DHX29: variants seen among roughly 807,000 people sequenced by gnomAD.
DHX29 encodes DExH-box helicase 29.
DHX29 carries 79 observed loss-of-function variants against 167.9 expected under a neutral mutation model. The observed-to-expected ratio is 0.47, with a 90% CI of 0.39 to 0.57. DHX29 has a LOEUF of 0.57. Among genes scored for constraint, DHX29 ranks in the 20% least tolerant of loss-of-function variants. DHX29 has a pLI of 0.00. For synonymous variants in DHX29, 530 were observed against 546.0 expected, an observed-to-expected ratio of 0.97 and a Z score of 0.41; for missense variants, 1,347 against 1,593.4, an observed-to-expected ratio of 0.85 and a Z score of 2.63.
In DHX29 at chr5:55,289,307, T is replaced by A. The variant is rs1384808927; in HGVS notation, c.1029A>T (p.Leu343Phe). The change falls in exon 8 of 27, where the codon TTA becomes TTT. Residue 343 changes from leucine (L) to phenylalanine (F), a missense_variant. Around this residue, in one of 3 missense-constraint regions of DHX29, gnomAD observed 405 missense variants for 416.8 expected, o/e 0.97. Coordinates refer to ENST00000251636, the MANE Select transcript of DHX29 (RefSeq NM_019030.4). ...CAGTAGCAGCTGCAGATTTTTCAAA[T>A]AAATTAAAATTCAATGCACTTTCTC... Reference protein sequence around the residue: ...TEGESALNFNLFEKSAAATEE... With the variant: ...TEGESALNFNFFEKSAAATEE... 6.3e-7 allele frequency: 1 copy of A among 1,582,156 alleles called. No individual in the cohort carries two copies. Among genetic ancestry groups the A allele is most frequent in the Non-Finnish European group, 8.5e-7 (1 of 1,169,626 alleles).
At chr5:55,283,115 C>T (rs1296054320) in intron 11 of DHX29, 88 bp downstream of exon 11, 5 of 1,436,426 alleles carry the variant, frequency 3.5e-6, no homozygotes, top group Non-Finnish European at 4.6e-6. Flanking sequence ...TGAAAACTCA[C>T]ATATGGTACA....
At chr5:55,286,207 T>C (rs544071577) in intron 8 of DHX29, among the ~76,000 whole-genome samples, 13 of 151,368 alleles carry the variant, frequency 8.6e-5, no homozygotes, top group African/African-American at 2.2e-4. Flanking sequence ...TGAGCCAAGA[T>C]TGCACCACTG....
rs1416826526 is a variant in DHX29, at chr5:55,256,506, T to C, written c.4092A>G (p.Ile1364Met). ...DKILQIITEL[I>M]KTENN Reference sequence around the variant, plus strand: ...TTCAGTTTCAGTTATTCTCTGTTTTTATCAATTCCGTAATGATCTGCAGAA... The same window carrying C: ...TTCAGTTTCAGTTATTCTCTGTTTTCATCAATTCCGTAATGATCTGCAGAA... Residue 1364 changes from isoleucine to methionine, a missense_variant, in exon 27 of 27, where the codon ATA becomes ATG. This residue lies in a region of DHX29 where 882 missense variants were observed against 1,082.4 expected (regional missense o/e 0.81). Coordinates refer to ENST00000251636, the MANE Select transcript of DHX29 (RefSeq NM_019030.4). The C allele has an allele frequency of 1.9e-6, 3 of 1,596,820 alleles. No individual in the cohort carries two copies. The African/African-American group carries it at 4.1e-5, about 22-fold the overall frequency.
chr5:55,280,330 T>C (rs1747338587), intron 12 of DHX29, among the ~76,000 whole-genome samples: 4 of 152,208 alleles, frequency 2.6e-5, no homozygotes. Context: ...CTGATCTATA[T>C]TTACCAAGCA....
At position 55,270,596 on chromosome 5, in the gene DHX29, C is replaced by A; in HGVS notation, c.2975G>T (p.Arg992Leu). ...GCCATACCTTTCTCTTGTGTACATT[C>A]GGAAACAGAAGCCATCTCTGACCCG... ...AGRVRDGFCF[R>L]MYTRERFEGF... is the part of the protein sequence containing the mutation. The change falls in exon 19 of 27, where the codon CGA becomes CTA. Residue 992 changes from arginine to leucine, a missense_variant. Physicochemically the swap from Arg to Leu is moderately radical, Grantham distance 102 (BLOSUM62 -2). Around this residue, in one of 3 missense-constraint regions of DHX29, gnomAD observed 882 missense variants for 1,082.4 expected, o/e 0.81. Coordinates refer to ENST00000251636, the MANE Select transcript of DHX29 (RefSeq NM_019030.4). 1 of 1,614,176 alleles carries A rather than the reference C, an allele frequency of 6.2e-7. No individual in the cohort carries two copies. The highest frequency in any genetic ancestry group is 8.5e-7 in the Non-Finnish European group (1 of 1,180,018).
intron 14 of DHX29, among the ~76,000 whole-genome samples, chr5:55,275,808 A>G (rs1179186383): frequency 6.6e-6 from 1 of 151,344 alleles, no homozygotes; most frequent in Non-Finnish European, 1.5e-5. Flanking sequence ...TCTATCTATC[A>G]CTATCTACCT....
At chr5:55,289,176 T>C in intron 8 of DHX29, 94 bp downstream of exon 8, 3 of 1,354,102 alleles carry the variant, frequency 2.2e-6, no homozygotes, top group Non-Finnish European at 2.9e-6. Flanking sequence ...TTACGTACTT[T>C]GCCAGAATGC....
Position 55,281,522 on chromosome 5 carries a change from G to T in DHX29, c.1966-7C>A. ...GATATCCACACAAGGAATTCTAAAG[G>T]GAGAACATAAGGCCTTGATTAGATT... On this transcript the variant is annotated splice_polypyrimidine_tract_variant and splice_region_variant and intron_variant, in intron 11 of 26. Transcript: ENST00000251636. The T allele has an allele frequency of 6.4e-7, 1 of 1,568,010 alleles. No homozygotes were observed. Among genetic ancestry groups the T allele is most frequent in the Non-Finnish European group, 8.6e-7 (1 of 1,158,632 alleles).
At chr5:55,302,808 C>T (rs1054365862) in intron 1 of DHX29, among the ~76,000 whole-genome samples, 8 of 152,244 alleles carry the variant, frequency 5.3e-5, no homozygotes, top group African/African-American at 1.9e-4. Context: ...GCTCAACATT[C>T]ACTGGGCCAC....
rs775938058 is a variant in DHX29 at position 55,274,871 on chromosome 5, T to A, written c.2567A>T (p.Tyr856Phe). The A allele has an allele frequency of 1.9e-6, 3 of 1,612,926 alleles. No homozygotes were observed. The highest frequency in any genetic ancestry group is 1.7e-4 in the Middle Eastern group (1 of 6,052). The change falls in exon 15 of 27, where the codon TAC becomes TTC. Residue 856 changes from tyrosine to phenylalanine, a missense_variant. Physicochemically the swap from Tyr to Phe is conservative, Grantham distance 22. Around this residue, in one of 3 missense-constraint regions of DHX29, gnomAD observed 882 missense variants for 1,082.4 expected, o/e 0.81. Coordinates refer to ENST00000251636, the MANE Select transcript of DHX29 (RefSeq NM_019030.4). ...NLDLILELLA[Y>F]LDKSPQFRNI... ...CATTAGAAATAGAAATATACCTAAG[T>A]ATGCAAGAAGTTCCAAAATGAGATC... is the stretch of plus-strand genomic sequence containing the variant.
chr5:55,262,776 C>T lies in DHX29; in HGVS notation c.3682G>A (p.Val1228Met). ...GACTTTGTATAGATTATCTTCCCCA[C>T]ATTGTCATACAGTCCAGCCACCAGT... ...AVLVAGLYDN[V>M]GKIIYTKSVD... Residue 1228 changes from valine (V) to methionine (M), a missense_variant, in exon 24 of 27, where the codon GTG becomes ATG. By Grantham distance (21) the Val-to-Met change is conservative. Coordinates refer to ENST00000251636, the MANE Select transcript of DHX29 (RefSeq NM_019030.4). 6.2e-7 allele frequency: 1 copy of T among 1,614,094 alleles called. No individual in the cohort carries two copies. Among genetic ancestry groups the T allele is most frequent in the Non-Finnish European group, 8.5e-7 (1 of 1,179,988 alleles).
At chr5:55,271,448 T>C (rs1185200347) in intron 18 of DHX29, among the ~76,000 whole-genome samples, 1 of 152,130 alleles carries the variant, frequency 6.6e-6, no homozygotes, top group East Asian at 1.9e-4. Context: ...CTGGCCAACA[T>C]AGTGAAACCC....
chr5:55,299,006 C>T (rs986203107), intron 1 of DHX29, among the ~76,000 whole-genome samples: 2 of 140,528 alleles, frequency 1.4e-5, no homozygotes, highest in African/African-American at 2.7e-5. Context: ...GTCCGCAGTC[C>T]GGCCTGGGCG....
chr5:55,301,063 C>T (rs553590746), intron 1 of DHX29, among the ~76,000 whole-genome samples: 14 of 152,192 alleles, frequency 9.2e-5, no homozygotes, highest in Non-Finnish European at 1.9e-4. Flanking sequence ...TATAAGGACA[C>T]TAATCCTGTT....
rs1263751805 is a variant in DHX29 at position 55,296,283 on chromosome 5, T to A, written c.442A>T (p.Thr148Ser). ...TKDIEDAMTN[T>S]LLYGGDLHSA... ...TGAAGGTCACCTCCATATAAGAGTGTATTGGTCATGGCATCTTCAATGTCC... is the reference window on the plus strand; with the variant it reads ...TGAAGGTCACCTCCATATAAGAGTGAATTGGTCATGGCATCTTCAATGTCC... The change falls in exon 4 of 27, where the codon ACA (threonine) becomes TCA (serine). Residue 148 changes from threonine (T) to serine (S), a missense_variant. This residue lies in a region of DHX29 where 405 missense variants were observed against 416.8 expected (regional missense o/e 0.97). Transcript: ENST00000251636. 2 of 1,613,716 alleles carry A rather than the reference T, an allele frequency of 1.2e-6. No individual in the cohort carries two copies. Among genetic ancestry groups the A allele is most frequent in the Admixed American group, 3.3e-5 (2 of 60,020 alleles).
At chr5:55,293,877 A>C in intron 6 of DHX29, 140 bp downstream of exon 6, 2 of 805,460 alleles carry the variant, frequency 2.5e-6, no homozygotes, top group East Asian at 3.1e-5. Flanking sequence ...TTTTTGCCTA[A>C]GTGTTATTTT....
intron 12 of DHX29, among the ~76,000 whole-genome samples, chr5:55,277,646 T>G (rs1747184661): frequency 6.6e-6 from 1 of 152,080 alleles, no homozygotes; most frequent in Non-Finnish European, 1.5e-5. Context: ...TAGCTCATAC[T>G]TGTAATCCTA....
Position 55,297,291 on chromosome 5 carries a change from T to C in DHX29, c.369A>G (p.Lys123=), listed in dbSNP as rs774890301. ...GMISGRLTAK[K]LQDLYMALQA... ...TAAAAAGTTTGCAAAATACCTGCAA[T>C]TTTTTGGCAGTAAGTCTTCCAGAAA... The change falls in exon 3 of 27, where the codon AAA becomes AAG. Residue 123 remains lysine, a synonymous_variant. Transcript: ENST00000251636. 1 of 1,542,736 alleles carries C rather than the reference T, an allele frequency of 6.5e-7. No individual in the cohort carries two copies.
chr5:55,274,689 A>G lies in DHX29; in HGVS notation c.2615T>C (p.Ile872Thr). 6.2e-7 allele frequency: 1 copy of G among 1,604,164 alleles called. No homozygotes were observed. Among genetic ancestry groups the G allele is most frequent in the South Asian group, 1.1e-5 (1 of 88,958 alleles). ...AATATGAGCAAGTCCTGGTAAAAAG[A>G]TCAATACTGCTCCTTCAATATTTCT... ...QFRNIEGAVL[I>T]FLPGLAHIQQ... The change falls in exon 16 of 27, where the codon ATC (isoleucine) becomes ACC (threonine). Residue 872 changes from isoleucine to threonine, a missense_variant. Physicochemically the swap from Ile to Thr is moderately conservative, Grantham distance 89 (BLOSUM62 -1). Around this residue, in one of 3 missense-constraint regions of DHX29, gnomAD observed 882 missense variants for 1,082.4 expected, o/e 0.81. Coordinates refer to ENST00000251636, the MANE Select transcript of DHX29 (RefSeq NM_019030.4).
Sources: allele counts gnomAD v4.1 joint callset (sites outside exome capture counted in the v4.1 genomes callset), GRCh38; gene constraint gnomAD v4.1.1; regional missense constraint gnomAD v4.1.1; transcripts MANE v1.5; gene names NCBI Gene and HGNC (gene_info 2026-07-23, HGNC 2026-07-21).